The following PTGR1 variants were observed in gnomAD, a reference collection of about 807,000 sequenced individuals.
PTGR1 encodes the protein prostaglandin reductase 1, also known as 15-oxoprostaglandin 13-reductase.
A neutral mutation model predicts 37.7 loss-of-function variants in PTGR1; 23 were observed. That is an observed-to-expected ratio of 0.61 (90% CI 0.44 to 0.86). The LOEUF is 0.86. PTGR1 is among the 40% of genes least tolerant of loss of function. PTGR1 has a pLI of 0.00. For missense variants in PTGR1, 351 were observed against 394.3 expected (o/e 0.89, Z 0.93); for synonymous variants, 134 against 140.0 (o/e 0.96, Z 0.30).
rs530408969 is a variant in PTGR1 at position 111,569,905 on chromosome 9, G to A, written c.879+186C>T. On this transcript the variant is annotated intron_variant, in intron 9 of 9. Transcript: ENST00000407693. ...TGCAGTGGAAATGAACTTTAGAGAG[G>A]GTTGTTTTGTTTTCCTTTCAAAGAT... 4 of 913,330 alleles carry A rather than the reference G, an allele frequency of 4.4e-6. No individual in the cohort carries two copies. In the African/African-American group the frequency reaches 5.0e-5, roughly 11 times the overall value. The allele number at this position is 913,330 out of a possible 1,614,324, so 56.6% of individuals were successfully genotyped here.
intron 4 of PTGR1, among the ~76,000 whole-genome samples, chr9:111,586,791 C>T (rs544038938): frequency 1.4e-5 from 2 of 146,724 alleles, no homozygotes; most frequent in East Asian, 4.0e-4. Flanking sequence ...CACTCTCTCT[C>T]TCTCTCTCTC....
At chr9:111,582,795 A>G (rs1829322045) in intron 6 of PTGR1, among the ~76,000 whole-genome samples, 2 of 152,206 alleles carry the variant, frequency 1.3e-5, no homozygotes, top group African/African-American at 4.8e-5. Flanking sequence ...CCCTGTACTC[A>G]TCTGTACTCC....
intron 8 of PTGR1, 146 bp from the exon 9 acceptor site, chr9:111,570,355 C>A: frequency 7.4e-7 from 1 of 1,354,484 alleles, no homozygotes; most frequent in Non-Finnish European, 9.8e-7. Context: ...TTCTGATCCA[C>A]GGGACTGCTG....
intron 9 of PTGR1, among the ~76,000 whole-genome samples, chr9:111,551,414 T>TG (rs1490645550): frequency 1.4e-5 from 2 of 141,736 alleles, no homozygotes; most frequent in East Asian, 4.1e-4. Context: ...TTTTTTTTTT[T>TG]TTTTTTTTTT....
intron 3 of PTGR1, among the ~76,000 whole-genome samples, chr9:111,593,598 A>C (rs1829685888): frequency 6.6e-6 from 1 of 152,204 alleles, no homozygotes. Context: ...GGCCAGAAAA[A>C]CTGATTTTAG....
chr9:111,588,399 G>A (rs1264209178), intron 4 of PTGR1, among the ~76,000 whole-genome samples: 1 of 151,914 alleles, frequency 6.6e-6, no homozygotes, highest in East Asian at 1.9e-4. Flanking sequence ...AAATATACAT[G>A]TATTTGTATA....
chr9:111,582,283 T>C (rs957166612), intron 6 of PTGR1, among the ~76,000 whole-genome samples: 2 of 152,156 alleles, frequency 1.3e-5, no homozygotes, highest in Admixed American at 6.6e-5. Flanking sequence ...GACAGAAAGG[T>C]TGAATATAAA....
chr9:111,560,974 TAGAGAGAG>T (rs1172194603), downstream of PTGR1, among the ~76,000 whole-genome samples: 13 of 9,334 alleles, frequency 1.4e-3, 1 homozygote, highest in South Asian at 4.3e-3. Flanking sequence ...TATATATATA[TAGAGAGAG>T]AGAGAGAGAG....
At position 111,562,949 on chromosome 9, in the gene PTGR1, T is replaced by A; in HGVS notation, c.*172A>T. The A allele has an allele frequency of 7.2e-7, 1 of 1,389,796 alleles. No homozygotes were observed. The highest frequency in any genetic ancestry group is 1.8e-5 in the South Asian group (1 of 55,114). The allele number at this position is 1,389,796 out of a possible 1,614,324, so 86.1% of individuals were successfully genotyped here. On this transcript the variant is annotated 3_prime_UTR_variant, in exon 10 of 10. Transcript: ENST00000407693. The stretch of plus-strand genomic sequence containing the variant: ...ACTGGTTGTTGTTGACTTTGAAACT[T>A]CCATCCTCCATCACTAATTACATAC...
intron 9 of PTGR1, among the ~76,000 whole-genome samples, chr9:111,552,322 C>G (rs117255545): frequency 3.1e-3 from 466 of 152,140 alleles, no homozygotes; most frequent in Middle Eastern, 6.8e-3. Flanking sequence ...TGTCAACATT[C>G]TATAGCTTTT....
chr9:111,563,332 C>T, intron 9 of PTGR1, 101 bp from the exon 10 acceptor site: 1 of 1,213,820 alleles, frequency 8.2e-7, no homozygotes, highest in Non-Finnish European at 1.1e-6. Flanking sequence ...TCATTGGAAA[C>T]CTTGAAAATA....
intron 1 of PTGR1, among the ~76,000 whole-genome samples, chr9:111,598,960 G>A (rs1297469572): frequency 1.2e-4 from 18 of 151,632 alleles, no homozygotes; most frequent in Admixed American, 1.2e-3. Context: ...CCCCGAACCC[G>A]CTCCCAGCCT....
intron 8 of PTGR1, among the ~76,000 whole-genome samples, chr9:111,573,820 C>A (rs926377043): frequency 3.9e-5 from 6 of 152,136 alleles, no homozygotes; most frequent in African/African-American, 1.4e-4. Flanking sequence ...GTTGATACTG[C>A]TTTTGGACCT....
At chr9:111,556,581 C>A (rs573741552) in intron 9 of PTGR1, among the ~76,000 whole-genome samples, 6 of 152,328 alleles carry the variant, frequency 3.9e-5, no homozygotes, top group African/African-American at 1.4e-4. Flanking sequence ...TTCTTTGCAC[C>A]TGCAGGCCAA....
At chr9:111,552,329 T>G (rs966219884) in intron 9 of PTGR1, among the ~76,000 whole-genome samples, 2 of 152,222 alleles carry the variant, frequency 1.3e-5, no homozygotes, top group African/African-American at 4.8e-5. Flanking sequence ...ATTCTATAGC[T>G]TTTGTGCATA....
At chr9:111,577,195 A>G (rs191989312) in intron 7 of PTGR1, 1 of 152,356 alleles carries the variant, frequency 6.6e-6, no homozygotes, top group East Asian at 1.9e-4. Context: ...GCAAATACAT[A>G]CGTTGAAAGA....
At chr9:111,593,874 G>A (rs1367848504) in intron 3 of PTGR1, among the ~76,000 whole-genome samples, 2 of 151,520 alleles carry the variant, frequency 1.3e-5, no homozygotes, top group African/African-American at 4.8e-5. Context: ...TTTTAGTAGA[G>A]ACAGGGCTTT....
At chr9:111,593,695 G>A (rs1829689130) in intron 3 of PTGR1, among the ~76,000 whole-genome samples, 1 of 152,114 alleles carries the variant, frequency 6.6e-6, no homozygotes, top group Admixed American at 6.6e-5. Flanking sequence ...ATGAGACGGG[G>A]TCTTGCTCTG....
At chr9:111,560,996 G>A (rs867186186), downstream of PTGR1, among the ~76,000 whole-genome samples, 94 of 94,556 alleles carry the variant, frequency 9.9e-4, 7 homozygotes, top group South Asian at 7.5e-3. Context: ...GAGAGAGAGA[G>A]AGAGAGAGAG....
Sources: gnomAD v4.1 joint callset for allele counts (sites outside exome capture counted in the v4.1 genomes callset) on GRCh38, gnomAD v4.1.1 for gene constraint, MANE v1.5 for transcripts, NCBI Gene and HGNC (gene_info 2026-07-23, HGNC 2026-07-21) for gene names.